The following ZYG11B variants were observed in gnomAD, a reference collection of about 807,000 sequenced individuals.
ZYG11B encodes protein zyg-11 homolog B.
In ZYG11B, 36 loss-of-function variants were observed where a neutral mutation model predicts 82.4. That is an observed-to-expected ratio of 0.44 (90% CI 0.33 to 0.58). The LOEUF (loss-of-function observed/expected upper bound fraction) is 0.58. ZYG11B is among the 20% of genes least tolerant of loss of function. The pLI is 0.02. For synonymous variants in ZYG11B, 303 were observed against 312.8 expected (o/e 0.97, Z 0.33); for missense variants, 552 against 895.6 (o/e 0.62, Z 4.90).
At chr1:52,732,151 A>G (rs1158157758) in intron 1 of ZYG11B, among the ~76,000 whole-genome samples, 1 of 152,190 alleles carries the variant, frequency 6.6e-6, no homozygotes, top group Non-Finnish European at 1.5e-5. Context: ...GATGGAAGTT[A>G]TTATTAGTAT....
intron 1 of ZYG11B, among the ~76,000 whole-genome samples, chr1:52,749,606 A>T (rs1021227508): frequency 5.9e-5 from 9 of 151,824 alleles, no homozygotes; most frequent in Admixed American, 2.6e-4. Flanking sequence ...ATTTTTTTTT[A>T]TTTTTTATTT....
chr1:52,803,211 CAT>C (rs1165360758), intron 10 of ZYG11B, among the ~76,000 whole-genome samples: 5,071 of 73,168 alleles, frequency 0.069, 591 homozygotes, highest in African/African-American at 0.27. Flanking sequence ...TATACACACA[CAT>C]ATATATATAT....
At chr1:52,732,542 G>A (rs1644340980) in intron 1 of ZYG11B, among the ~76,000 whole-genome samples, 1 of 151,964 alleles carries the variant, frequency 6.6e-6, no homozygotes, top group Non-Finnish European at 1.5e-5. Flanking sequence ...GACGGATCAC[G>A]AGGTCAAGAG....
chr1:52,746,282 T>C (rs917206943), intron 1 of ZYG11B, among the ~76,000 whole-genome samples: 3 of 152,164 alleles, frequency 2.0e-5, no homozygotes, highest in African/African-American at 7.2e-5. Flanking sequence ...ATGACCTGTG[T>C]GGTCTAGTCT....
chr1:52,745,986 TCTCA>T (rs1431533500), intron 1 of ZYG11B, among the ~76,000 whole-genome samples: 1 of 149,898 alleles, frequency 6.7e-6, no homozygotes, highest in Non-Finnish European at 1.5e-5. Context: ...TGAGACGGAG[TCTCA>T]CTCTGTCGCC....
rs56832647 is a variant in ZYG11B, at chr1:52,741,315, A to AAAAAGAAAAG, written c.30+14641_30+14650dup. On this transcript the variant is annotated intron_variant, in intron 1 of 13. Coordinates refer to ENST00000294353, the MANE Select transcript of ZYG11B (RefSeq NM_024646.3). ...CTTCGTCTCAAAAAAAAAAAAAAAA[A>AAAAAGAAAAG]AAAAGAAAAGAAAAGAAAGTTTTTT... 4.9e-5 allele frequency among the ~76,000 whole-genome samples: 7 copies of AAAAAGAAAAG among 142,666 alleles called. No individual in the cohort carries two copies. In the East Asian group the frequency reaches 1.5e-3, roughly 31 times the overall value. The allele number at this position is 142,666 out of a possible 152,430, so 93.6% of individuals were successfully genotyped here.
intron 1 of ZYG11B, among the ~76,000 whole-genome samples, chr1:52,753,604 TG>T (rs1205035151): frequency 1.1e-4 from 16 of 152,054 alleles, no homozygotes; most frequent in African/African-American, 3.4e-4. Context: ...TGTGTTTTTT[TG>T]TTTTTTTTGA....
rs1381513097 is a variant in ZYG11B, at chr1:52,813,616, C to G, written c.1776C>G (p.His592Gln). Residue 592 changes from histidine to glutamine, a missense_variant, in exon 11 of 14, where the codon CAC (histidine) becomes CAG (glutamine). This residue lies in a region of ZYG11B where 66 missense variants were observed against 176.4 expected (regional missense o/e 0.37). Transcript: ENST00000294353. ...TAGACCACATCAGTAGTCTCCTACA[C>G]AGTGTGGAAGTGGAAGTCAGTTACT... ...DFIDHISSLLHSVEVEVSYFA... is the reference protein window; with the variant it reads ...DFIDHISSLLQSVEVEVSYFA... 2 of 1,613,662 alleles carry G rather than the reference C, an allele frequency of 1.2e-6. No individual in the cohort carries two copies. Among genetic ancestry groups the G allele is most frequent in the Non-Finnish European group, 1.7e-6 (2 of 1,179,766 alleles).
chr1:52,779,419 A>G (rs1242491354), intron 3 of ZYG11B, among the ~76,000 whole-genome samples: 1 of 152,192 alleles, frequency 6.6e-6, no homozygotes, highest in African/African-American at 2.4e-5. Flanking sequence ...ATCTGGATAG[A>G]TTGGAAAGTA....
At chr1:52,735,396 C>T (rs943821497) in intron 1 of ZYG11B, among the ~76,000 whole-genome samples, 16 of 152,280 alleles carry the variant, frequency 1.1e-4, no homozygotes, top group African/African-American at 3.9e-4. Context: ...CTTTGACAAA[C>T]TTAATGCTAC....
At position 52,771,812 on chromosome 1, in the gene ZYG11B, C is replaced by G. The variant is rs754113916; in HGVS notation, c.951+38C>G. The G allele has an allele frequency of 1.9e-6, 3 of 1,567,972 alleles. No homozygotes were observed. The highest frequency in any genetic ancestry group is 2.6e-6 in the Non-Finnish European group (3 of 1,158,786). On this transcript the variant is annotated intron_variant, in intron 3 of 13. Transcript: ENST00000294353. The surrounding 1 kb of genome is among the most constrained non-coding windows in gnomAD (Gnocchi z 5.4). ...AAATGTATTATTTTGTCAGGCTGACCAATATCTTAGTTGCATAAGACTCTA... is the reference window on the plus strand; with the variant it reads ...AAATGTATTATTTTGTCAGGCTGACGAATATCTTAGTTGCATAAGACTCTA...
At chr1:52,753,893 G>A (rs1644548226) in intron 1 of ZYG11B, among the ~76,000 whole-genome samples, 1 of 152,050 alleles carries the variant, frequency 6.6e-6, no homozygotes. Flanking sequence ...ACTGTGCCTG[G>A]TCACTTTTTG....
intron 2 of ZYG11B, among the ~76,000 whole-genome samples, chr1:52,768,596 C>CT (rs142493514): frequency 0.44 from 60,489 of 136,754 alleles, 13,946 homozygotes; most frequent in African/African-American, 0.55. Flanking sequence ...CCTTCTTCCT[C>CT]TTTTTTTTTT....
In ZYG11B at chr1:52,802,429, C is replaced by G. The variant is rs148978835; in HGVS notation, c.1695+290C>G. Among the ~76,000 whole-genome samples, 41 of 148,824 alleles carry G rather than the reference C, an allele frequency of 2.8e-4. 1 individual carries two copies. The East Asian group carries it at 7.5e-3, about 27-fold the overall frequency. ...GTGGTGTGATCACAGCTCACTGCAG[C>G]CTCGACCTCCTGCTGAGCTCAAGCA... On this transcript the variant is annotated intron_variant, in intron 10 of 13. Transcript: ENST00000294353.
intron 2 of ZYG11B, among the ~76,000 whole-genome samples, chr1:52,758,321 C>T (rs1644597486): frequency 6.6e-6 from 1 of 151,812 alleles, no homozygotes; most frequent in Non-Finnish European, 1.5e-5. Context: ...TAATAGCTGT[C>T]ATTTATTGAA....
chr1:52,735,241 C>T (rs916852452), intron 1 of ZYG11B, among the ~76,000 whole-genome samples: 1 of 151,760 alleles, frequency 6.6e-6, no homozygotes, highest in African/African-American at 2.4e-5. Flanking sequence ...GTTGGTCAGG[C>T]TGGTATCGAA....
chr1:52,763,255 C>A (rs1226437278), intron 2 of ZYG11B, among the ~76,000 whole-genome samples: 1 of 152,034 alleles, frequency 6.6e-6, no homozygotes, highest in Non-Finnish European at 1.5e-5. Context: ...ATTCCTTTTG[C>A]ATAGGATTGC....
In ZYG11B at chr1:52,783,900, G is replaced by GTGTGTA. The variant is rs1644886251; in HGVS notation, c.1093-974_1093-973insGTATGT. On this transcript the variant is annotated intron_variant, in intron 4 of 13. Coordinates refer to ENST00000294353, the MANE Select transcript of ZYG11B (RefSeq NM_024646.3). ...TGTGTGTATATGTACATACACGTGT[G>GTGTGTA]TGTATATACATCTATACATATATGT... Among the ~76,000 whole-genome samples the GTGTGTA allele has an allele frequency of 4.5e-5, 2 of 44,070 alleles. 1 individual carries two copies. Among genetic ancestry groups the GTGTGTA allele is most frequent in the African/African-American group, 5.5e-4 (2 of 3,636 alleles). The allele number at this position is 44,070 out of a possible 152,430, so 28.9% of individuals were successfully genotyped here.
At chr1:52,756,225 T>C (rs1245800020) in intron 1 of ZYG11B, among the ~76,000 whole-genome samples, 1 of 152,212 alleles carries the variant, frequency 6.6e-6, no homozygotes, top group East Asian at 1.9e-4. Flanking sequence ...GTGTGTCCTC[T>C]ATTTTAATAC....
Sources: allele counts gnomAD v4.1 joint callset (sites outside exome capture counted in the v4.1 genomes callset), GRCh38; gene constraint gnomAD v4.1.1; regional missense constraint gnomAD v4.1.1; non-coding constraint Gnocchi (gnomAD v3.1); transcripts MANE v1.5; gene names NCBI Gene and HGNC (gene_info 2026-07-23, HGNC 2026-07-21).